The following PDE7B variants were observed in gnomAD, a reference collection of about 807,000 sequenced individuals.
The protein encoded by PDE7B is phosphodiesterase 7B, also known as 3',5'-cyclic-AMP phosphodiesterase 7B.
Under a neutral mutation model 56.2 loss-of-function variants are expected in PDE7B, and 29 were observed. The observed-to-expected ratio is 0.52, with a 90% CI of 0.38 to 0.70. The LOEUF (loss-of-function observed/expected upper bound fraction) is 0.70. Ranked by LOEUF, PDE7B falls within the 30% of genes least tolerant of loss-of-function variation. PDE7B has a pLI of 0.00. For synonymous variants in PDE7B, 197 were observed against 196.9 expected (o/e 1.00, Z 0.00); for missense variants, 490 against 565.0 (o/e 0.87, Z 1.35).
intron 2 of PDE7B, among the ~76,000 whole-genome samples, chr6:136,090,868 T>C (rs902825196): frequency 1.3e-5 from 2 of 152,194 alleles, no homozygotes; most frequent in African/African-American, 4.8e-5. Context: ...AAGAAGTTCA[T>C]ACTCTATCAA....
intron 2 of PDE7B, among the ~76,000 whole-genome samples, chr6:135,991,237 C>A (rs1223125345): frequency 6.6e-6 from 1 of 152,048 alleles, no homozygotes; most frequent in Non-Finnish European, 1.5e-5. Flanking sequence ...ACTAAGAATG[C>A]CTAACCTCCT....
At chr6:136,136,499 G>A (rs1408448952) in intron 3 of PDE7B, among the ~76,000 whole-genome samples, 1 of 151,908 alleles carries the variant, frequency 6.6e-6, no homozygotes, top group Non-Finnish European at 1.5e-5. Flanking sequence ...GTCAAAACAA[G>A]CAAAGGACAA....
chr6:135,931,894 G>A (rs68118107), intron 1 of PDE7B, among the ~76,000 whole-genome samples: 34,828 of 151,832 alleles, frequency 0.23, 4,150 homozygotes, highest in South Asian at 0.27. Context: ...ATGAGGTGGC[G>A]GGAGTGGGGA....
chr6:136,049,910 G>T (rs950842881), intron 2 of PDE7B, among the ~76,000 whole-genome samples: 1 of 150,878 alleles, frequency 6.6e-6, no homozygotes, highest in Non-Finnish European at 1.5e-5. Context: ...TAATGAAAAT[G>T]GGTCTTTGAG....
chr6:136,002,204 T>G (rs1775682501), intron 2 of PDE7B, among the ~76,000 whole-genome samples: 1 of 152,102 alleles, frequency 6.6e-6, no homozygotes, highest in Non-Finnish European at 1.5e-5. Context: ...AAGGAAGCTC[T>G]AAACATGGAA....
At chr6:135,987,305 A>G (rs1775398031) in intron 2 of PDE7B, among the ~76,000 whole-genome samples, 2 of 152,266 alleles carry the variant, frequency 1.3e-5, no homozygotes, top group African/African-American at 4.8e-5. Flanking sequence ...GAATAAGGTG[A>G]TGCCAGTTCA....
rs550079723 is a variant in PDE7B, at chr6:135,895,254, G to A, written c.21+43235G>A. ...AATCCATAAGTAATTGGGCATCCACGAATAATGATAGTGAGCGGCAAAAGT... is the reference window on the plus strand; with the variant it reads ...AATCCATAAGTAATTGGGCATCCACAAATAATGATAGTGAGCGGCAAAAGT... On this transcript the variant is annotated intron_variant, in intron 1 of 12. Coordinates refer to ENST00000308191, the MANE Select transcript of PDE7B (RefSeq NM_018945.4). Among the ~76,000 whole-genome samples, 5 of 152,270 alleles carry A rather than the reference G, an allele frequency of 3.3e-5. No homozygotes were observed. The East Asian group carries it at 7.7e-4, about 23-fold the overall frequency.
At chr6:135,888,461 TG>T (rs1775750359) in intron 1 of PDE7B, among the ~76,000 whole-genome samples, 3 of 152,166 alleles carry the variant, frequency 2.0e-5, no homozygotes, top group Admixed American at 6.5e-5. Context: ...CGTGTGTGTG[TG>T]TGTGCATGTA....
chr6:135,903,878 C>G (rs1776049467), intron 1 of PDE7B, among the ~76,000 whole-genome samples: 1 of 152,170 alleles, frequency 6.6e-6, no homozygotes, highest in South Asian at 2.1e-4. Flanking sequence ...AAGGACCATT[C>G]TGTAAACATT....
At chr6:136,158,622 C>T (rs1284091685) in intron 8 of PDE7B, among the ~76,000 whole-genome samples, 1 of 152,148 alleles carries the variant, frequency 6.6e-6, no homozygotes, top group Non-Finnish European at 1.5e-5. Flanking sequence ...GAGAGCAGGG[C>T]AGCTGGAGTG....
intron 2 of PDE7B, among the ~76,000 whole-genome samples, chr6:135,971,059 C>T (rs1775085902): frequency 6.6e-6 from 1 of 152,122 alleles, no homozygotes; most frequent in Non-Finnish European, 1.5e-5. Flanking sequence ...TTCTGAAGTC[C>T]TATTCCCCCG....
At chr6:136,093,801 T>C (rs9483908) in intron 2 of PDE7B, among the ~76,000 whole-genome samples, 2,098 of 152,336 alleles carry the variant, frequency 0.014, 48 homozygotes, top group African/African-American at 0.046. Context: ...TGGGGATCTA[T>C]TTAATGTATA....
chr6:136,006,898 AT>A (rs1338738826), intron 2 of PDE7B, among the ~76,000 whole-genome samples: 2 of 151,990 alleles, frequency 1.3e-5, no homozygotes, highest in East Asian at 1.9e-4. Flanking sequence ...TAGATGCCTT[AT>A]TTCTTTCTCT....
rs2128453021 is a variant in PDE7B at position 136,192,802 on chromosome 6, CT to C, written c.*964del. On this transcript the variant is annotated 3_prime_UTR_variant, in exon 13 of 13. Transcript: ENST00000308191. ...TATACTATTGTTTGCAGATAAAGGC[CT>C]TAACTTTAAACATCTTTCATCTTCT... 1 of 152,678 alleles carries C rather than the reference CT, an allele frequency of 6.5e-6. No homozygotes were observed. The highest frequency in any genetic ancestry group is 2.4e-5 in the African/African-American group (1 of 41,552). The allele number at this position is 152,678 out of a possible 1,614,324, so 9.5% of individuals were successfully genotyped here.
In PDE7B at chr6:135,998,676, A is replaced by T. The variant is rs1459083538; in HGVS notation, c.82+51152A>T. On this transcript the variant is annotated intron_variant, in intron 2 of 12. Transcript: ENST00000308191. Reference sequence around the variant, plus strand: ...GAGGCTGAGGCAGGAGAATGGCGTGAACCCGGGAGGCAGAGCTTGCAGTGA... The same window carrying T: ...GAGGCTGAGGCAGGAGAATGGCGTGTACCCGGGAGGCAGAGCTTGCAGTGA... 8.5e-5 allele frequency among the ~76,000 whole-genome samples: 13 copies of T among 152,262 alleles called. No homozygotes were observed. The East Asian group carries it at 2.5e-3, about 29-fold the overall frequency.
chr6:136,066,828 A>C (rs916636812), intron 2 of PDE7B, among the ~76,000 whole-genome samples: 1 of 151,652 alleles, frequency 6.6e-6, no homozygotes, highest in Non-Finnish European at 1.5e-5. Flanking sequence ...TGACTCCCTG[A>C]GTATTCCTTT....
chr6:136,002,357 C>G (rs1350058164), intron 2 of PDE7B, among the ~76,000 whole-genome samples: 1 of 152,122 alleles, frequency 6.6e-6, no homozygotes, highest in African/African-American at 2.4e-5. Flanking sequence ...ACAATATTAA[C>G]TTTAAATATA....
intron 3 of PDE7B, among the ~76,000 whole-genome samples, chr6:136,136,939 G>C (rs1486112848): frequency 1.3e-5 from 2 of 151,976 alleles, no homozygotes; most frequent in Non-Finnish European, 2.9e-5. Context: ...TAAATGAAGA[G>C]AATTTATTCC....
rs144793625 is a variant in PDE7B at position 135,866,383 on chromosome 6, C to T, written c.21+14364C>T. Among the ~76,000 whole-genome samples, 74 of 152,168 alleles carry T rather than the reference C, an allele frequency of 4.9e-4. No homozygotes were observed. The East Asian group carries it at 0.013, about 26-fold the overall frequency. On this transcript the variant is annotated intron_variant, in intron 1 of 12. Coordinates refer to ENST00000308191, the MANE Select transcript of PDE7B (RefSeq NM_018945.4). ...GTTCACCTTCCATATTTCATTGTGG[C>T]CATTATAATATTATGCGAACATTTC... is the stretch of plus-strand genomic sequence containing the variant.
Sources: allele counts gnomAD v4.1 joint callset (sites outside exome capture counted in the v4.1 genomes callset), GRCh38; gene constraint gnomAD v4.1.1; transcripts MANE v1.5; gene names NCBI Gene and HGNC (gene_info 2026-07-23, HGNC 2026-07-21).